Variants in PDZRN3 observed in about 807,000 individuals in gnomAD.
PDZRN3 encodes E3 ubiquitin-protein ligase PDZRN3.
In PDZRN3, 38 loss-of-function variants were observed where a neutral mutation model predicts 85.7. The observed-to-expected ratio is 0.44, with a 90% CI of 0.34 to 0.58. The LOEUF (loss-of-function observed/expected upper bound fraction) is 0.58. Ranked by LOEUF, PDZRN3 falls within the 20% of genes least tolerant of loss-of-function variation. The pLI, the probability that PDZRN3 is intolerant of heterozygous loss-of-function variation, is 0.01. For missense variants in PDZRN3, 1,629 were observed against 1,506.4 expected (o/e 1.08, Z -1.35); for synonymous variants, 759 against 638.0 (o/e 1.19, Z -2.86).
chr3:73,598,827 A>G (rs1575757737), intron 3 of PDZRN3, among the ~76,000 whole-genome samples: 1 of 152,210 alleles, frequency 6.6e-6, no homozygotes, highest in East Asian at 1.9e-4. Context: ...CTCAATTCCT[A>G]TCTCAAGGTT....
rs569951618 is a variant in PDZRN3 at position 73,383,483 on chromosome 3, T to G, written c.3083A>C (p.Lys1028Thr). 1 of 1,614,058 alleles carries G rather than the reference T, an allele frequency of 6.2e-7. No individual in the cohort carries two copies. Among genetic ancestry groups the G allele is most frequent in the Non-Finnish European group, 8.5e-7 (1 of 1,180,012 alleles). The change falls in exon 10 of 10, where the codon AAG becomes ACG. Residue 1028 changes from lysine to threonine, a missense_variant. Physicochemically the swap from Lys to Thr is moderately conservative, Grantham distance 78 (BLOSUM62 -1). Coordinates refer to ENST00000263666, the MANE Select transcript of PDZRN3 (RefSeq NM_015009.3). ...GTTATCGAAGATTTTCTTATTCCTC[T>G]TCTTCATCATCTTTTTGTGGCTCAG... ...LELSHKKMMK[K>T]RNKKIFDNWM...
At chr3:73,546,867 A>G (rs936111166) in intron 3 of PDZRN3, among the ~76,000 whole-genome samples, 6 of 152,194 alleles carry the variant, frequency 3.9e-5, no homozygotes, top group Admixed American at 3.9e-4. Flanking sequence ...ATGATTTTTT[A>G]TTACACCGTA....
At chr3:73,561,557 C>G (rs1701815112) in intron 3 of PDZRN3, 1 of 152,174 alleles carries the variant, frequency 6.6e-6, no homozygotes, top group Non-Finnish European at 1.5e-5. Context: ...TGCGTCAGCT[C>G]GGAAGTGTTA....
At chr3:73,489,120 C>A (rs926830806) in intron 3 of PDZRN3, among the ~76,000 whole-genome samples, 1 of 152,230 alleles carries the variant, frequency 6.6e-6, no homozygotes, top group Non-Finnish European at 1.5e-5. Flanking sequence ...GCACAGTGCA[C>A]TGAGCAGGTG....
At chr3:73,506,857 T>A in intron 3 of PDZRN3, among the ~76,000 whole-genome samples, 1 of 150,794 alleles carries the variant, frequency 6.6e-6, no homozygotes, top group East Asian at 2.0e-4. Flanking sequence ...CAGCTATGAC[T>A]GTGCCACTGT....
chr3:73,420,931 T>C (rs891835396), intron 3 of PDZRN3, among the ~76,000 whole-genome samples: 9 of 152,348 alleles, frequency 5.9e-5, no homozygotes, highest in South Asian at 2.1e-4. Flanking sequence ...CTAATTGCTA[T>C]TGTAGGCTTG....
At position 73,593,725 on chromosome 3, in the gene PDZRN3, C is replaced by T. The variant is rs867603179; in HGVS notation, c.918+8629G>A. Among the ~76,000 whole-genome samples, 1,369 of 151,280 alleles carry T rather than the reference C, an allele frequency of 9.0e-3. 39 individuals are homozygous for T. Among genetic ancestry groups the T allele is most frequent in the African/African-American group, 0.031 (1,295 of 41,114 alleles). ...AAATAAATATACACACACACACACA[C>T]ACACACACACACACACACACACACA... On this transcript the variant is annotated intron_variant, in intron 3 of 9. Transcript: ENST00000263666.
At chr3:73,569,655 C>T in intron 3 of PDZRN3, 2 of 778,740 alleles carry the variant, frequency 2.6e-6, no homozygotes, top group Non-Finnish European at 3.1e-6. Flanking sequence ...CCTGAGGTTA[C>T]CTTTCTCTTC....
intron 3 of PDZRN3, among the ~76,000 whole-genome samples, chr3:73,541,589 C>A (rs541822746): frequency 9.9e-5 from 15 of 152,206 alleles, no homozygotes; most frequent in Non-Finnish European, 2.1e-4. Context: ...TGTCACTTGG[C>A]TGGGATTCTG....
chr3:73,564,126 T>A (rs1320260732), intron 3 of PDZRN3, among the ~76,000 whole-genome samples: 1 of 152,202 alleles, frequency 6.6e-6, no homozygotes, highest in African/African-American at 2.4e-5. Flanking sequence ...CAAACCTGTA[T>A]AACTCTACAT....
chr3:73,428,855 A>T (rs545670486), intron 3 of PDZRN3, among the ~76,000 whole-genome samples: 1 of 151,956 alleles, frequency 6.6e-6, no homozygotes, highest in Non-Finnish European at 1.5e-5. Context: ...TATTCAATAA[A>T]GGGCCCTGTT....
chr3:73,598,635 T>G (rs1326798102), intron 3 of PDZRN3, among the ~76,000 whole-genome samples: 1 of 152,182 alleles, frequency 6.6e-6, no homozygotes, highest in Admixed American at 6.5e-5. Flanking sequence ...CCTGCAGCCA[T>G]GTGGGCTGGA....
intron 1 of PDZRN3, among the ~76,000 whole-genome samples, chr3:73,610,682 T>C (rs893173164): frequency 6.6e-6 from 1 of 152,208 alleles, no homozygotes; most frequent in African/African-American, 2.4e-5. Context: ...TGATAGAAAC[T>C]GCACAGTTAC....
At chr3:73,547,670 C>T (rs116082238) in intron 3 of PDZRN3, among the ~76,000 whole-genome samples, 1 of 152,208 alleles carries the variant, frequency 6.6e-6, no homozygotes, top group Non-Finnish European at 1.5e-5. Flanking sequence ...TGAGCCCAAA[C>T]TCACTGTCAC....
intron 9 of PDZRN3, 138 bp downstream of exon 9, chr3:73,385,531 T>C (rs1197854584): frequency 9.5e-6 from 6 of 629,492 alleles, no homozygotes; most frequent in African/African-American, 9.1e-5. Flanking sequence ...AATAGAAAAG[T>C]ACTTGAGGCT....
At position 73,459,008 on chromosome 3, in the gene PDZRN3, A is replaced by G. The variant is rs1328471785; in HGVS notation, c.919-54613T>C. On this transcript the variant is annotated intron_variant, in intron 3 of 9. Coordinates refer to ENST00000263666, the MANE Select transcript of PDZRN3 (RefSeq NM_015009.3). ...CTCCATCTCAAACAAAAAAAAAAAA[A>G]GAAAAAAAAGAAAAAAGAAAAGAGG... Among the ~76,000 whole-genome samples the G allele has an allele frequency of 3.3e-5, 5 of 151,052 alleles. No homozygotes were observed. In the East Asian group the frequency reaches 5.8e-4, roughly 18 times the overall value.
chr3:73,500,210 G>T (rs1405613402), intron 3 of PDZRN3, among the ~76,000 whole-genome samples: 1 of 152,038 alleles, frequency 6.6e-6, no homozygotes, highest in African/African-American at 2.4e-5. Flanking sequence ...CACCACAGCT[G>T]GCTAATTTTT....
At chr3:73,512,656 T>G (rs561426814) in intron 3 of PDZRN3, among the ~76,000 whole-genome samples, 21 of 152,286 alleles carry the variant, frequency 1.4e-4, no homozygotes, top group Admixed American at 9.8e-4. Context: ...ACTTGCCTGT[T>G]ATAGTAAATA....
intron 3 of PDZRN3, among the ~76,000 whole-genome samples, chr3:73,443,498 T>TG (rs1553689624): frequency 5.2e-4 from 67 of 129,104 alleles, no homozygotes; most frequent in African/African-American, 2.3e-3. Flanking sequence ...TTTTTTTTTT[T>TG]GGGGGGGGGA....
Sources: gnomAD v4.1 joint callset for allele counts (sites outside exome capture counted in the v4.1 genomes callset) on GRCh38, gnomAD v4.1.1 for gene constraint, MANE v1.5 for transcripts, NCBI Gene and HGNC (gene_info 2026-07-23, HGNC 2026-07-21) for gene names.